Variants in OR1J2 observed in about 807,000 individuals in gnomAD.
OR1J2 encodes olfactory receptor 1J2.
For missense variants in OR1J2, 304 were observed against 246.1 expected (o/e 1.24, Z -1.57); for synonymous variants, 142 against 99.7 (o/e 1.42, Z -2.52).
the OR1J2 span, among the ~76,000 whole-genome samples, chr9:122,552,395 A>C: frequency 6.6e-6 from 1 of 152,166 alleles, no homozygotes; most frequent in Admixed American, 6.5e-5. Flanking sequence ...TGTAGTACAA[A>C]TGTAGGGGTG....
chr9:122,477,868 C>T, the OR1J2 span: 16 of 1,612,946 alleles, frequency 9.9e-6, no homozygotes, highest in South Asian at 4.4e-5. Flanking sequence ...CTGCTCTGGC[C>T]GGATGGGGAG....
the OR1J2 span, among the ~76,000 whole-genome samples, chr9:122,468,542 T>C: frequency 6.6e-6 from 1 of 152,112 alleles, no homozygotes; most frequent in African/African-American, 2.4e-5. Context: ...CTTTTTTTTT[T>C]CTCTTTGTCT....
chr9:122,569,183 T>G, the OR1J2 span, among the ~76,000 whole-genome samples: 99 of 152,346 alleles, frequency 6.5e-4, 1 homozygote, highest in African/African-American at 2.3e-3. Context: ...CCCTAGCTCA[T>G]GACATGCTAT....
the OR1J2 span, among the ~76,000 whole-genome samples, chr9:122,532,054 A>AGATGG: frequency 5.2e-5 from 5 of 96,790 alleles, no homozygotes; most frequent in African/African-American, 1.7e-4. Context: ...GTAGAATAGC[A>AGATGG]AATTTGCCAG....
chr9:122,558,788 A>G, the OR1J2 span, among the ~76,000 whole-genome samples: 4 of 151,436 alleles, frequency 2.6e-5, no homozygotes, highest in South Asian at 6.2e-4. Flanking sequence ...TTGATATTCC[A>G]TTTCCTTTTT....
chr9:122,519,099 T>G, the OR1J2 span: 1 of 1,406,850 alleles, frequency 7.1e-7, no homozygotes, highest in South Asian at 1.3e-5. Context: ...TTTCTGCCTT[T>G]TTCAATGTCC....
At chr9:122,471,816 T>G in the OR1J2 span, among the ~76,000 whole-genome samples, 1 of 152,172 alleles carries the variant, frequency 6.6e-6, no homozygotes, top group East Asian at 1.9e-4. Context: ...ATTGGGCATC[T>G]GAGGCCAAAA....
At chr9:122,549,136 T>C in the OR1J2 span, among the ~76,000 whole-genome samples, 4 of 151,904 alleles carry the variant, frequency 2.6e-5, no homozygotes, top group Non-Finnish European at 4.4e-5. Flanking sequence ...TAGTGAGAGA[T>C]GTTTGGGTCA....
chr9:122,456,366 G>A, the OR1J2 span, among the ~76,000 whole-genome samples: 2 of 152,202 alleles, frequency 1.3e-5, no homozygotes, highest in Non-Finnish European at 2.9e-5. Context: ...GGATAAGGCA[G>A]AGCTGTAAAT....
chr9:122,450,883 A>G, the OR1J2 span, among the ~76,000 whole-genome samples: 1 of 152,206 alleles, frequency 6.6e-6, no homozygotes, highest in African/African-American at 2.4e-5. Flanking sequence ...TTCACTTAAT[A>G]TAATGTCTCC....
At chr9:122,481,453 T>C in the OR1J2 span, among the ~76,000 whole-genome samples, 2 of 151,292 alleles carry the variant, frequency 1.3e-5, no homozygotes, top group Non-Finnish European at 3.0e-5. Flanking sequence ...AACACTAGTA[T>C]TCCGGACACA....
the OR1J2 span, among the ~76,000 whole-genome samples, chr9:122,529,580 C>G: frequency 1.3e-5 from 2 of 152,204 alleles, no homozygotes; most frequent in Non-Finnish European, 2.9e-5. Context: ...GGTCTCTACT[C>G]AAGCACTCTG....
chr9:122,509,560 A>G (rs7019219), upstream of OR1J2, among the ~76,000 whole-genome samples: 70,693 of 152,102 alleles, frequency 0.46, 16,873 homozygotes, highest in African/African-American at 0.57. Flanking sequence ...CTTTCTCAAC[A>G]TGCCAGGGAA....
the OR1J2 span, among the ~76,000 whole-genome samples, chr9:122,517,502 A>G: frequency 6.6e-6 from 1 of 152,222 alleles, no homozygotes; most frequent in African/African-American, 2.4e-5. Context: ...TAACCTGTAC[A>G]AAGCTCTTCT....
chr9:122,461,566 G>A, the OR1J2 span, among the ~76,000 whole-genome samples: 1 of 151,874 alleles, frequency 6.6e-6, no homozygotes, highest in African/African-American at 2.4e-5. Flanking sequence ...TGCTATAAAC[G>A]CTCCTTTTGT....
the OR1J2 span, among the ~76,000 whole-genome samples, chr9:122,550,115 C>T: frequency 6.6e-6 from 1 of 151,974 alleles, no homozygotes; most frequent in African/African-American, 2.4e-5. Flanking sequence ...TCAGAGACTA[C>T]TATAAACAAC....
chr9:122,529,865 G>A, the OR1J2 span, among the ~76,000 whole-genome samples: 1 of 152,116 alleles, frequency 6.6e-6, no homozygotes, highest in African/African-American at 2.4e-5. Flanking sequence ...GCCCACCTGC[G>A]ACTGTTTGTC....
At chr9:122,479,815 T>A in the OR1J2 span, among the ~76,000 whole-genome samples, 3,708 of 152,308 alleles carry the variant, frequency 0.024, 132 homozygotes, top group African/African-American at 0.083. Context: ...AACCAACTAA[T>A]GCATACTCTA....
chr9:122,477,749 A>G, the OR1J2 span: 1 of 1,614,136 alleles, frequency 6.2e-7, no homozygotes, highest in Non-Finnish European at 8.5e-7. Context: ...AGGAAGAAGT[A>G]CATGGGGGTG....
Sources: allele counts gnomAD v4.1 joint callset (sites outside exome capture counted in the v4.1 genomes callset), GRCh38; gene constraint gnomAD v4.1.1; transcripts MANE v1.5; gene names NCBI Gene and HGNC (gene_info 2026-07-23, HGNC 2026-07-21).